The following BMPR1B variants were observed in gnomAD, a reference collection of about 807,000 sequenced individuals.
The protein encoded by BMPR1B is bone morphogenetic protein receptor type-1B.
BMPR1B carries 12 observed loss-of-function variants against 59.1 expected under a neutral mutation model. That is an observed-to-expected ratio of 0.20 (90% CI 0.13 to 0.33). The LOEUF (loss-of-function observed/expected upper bound fraction) is 0.33, where lower values mean the gene tolerates loss of function less well. BMPR1B is among the 10% of genes least tolerant of loss of function. BMPR1B has a pLI of 1.00. For synonymous variants in BMPR1B, 237 were observed against 207.3 expected (o/e 1.14, Z -1.23); for missense variants, 550 against 610.9 (o/e 0.90, Z 1.05).
At chr4:94,780,160 TC>T (rs1722535907) in intron 1 of BMPR1B, among the ~76,000 whole-genome samples, 1 of 152,312 alleles carries the variant, frequency 6.6e-6, no homozygotes. Flanking sequence ...TAGCTTTTTT[TC>T]ATGTCACTTT....
At position 94,761,308 on chromosome 4, in the gene BMPR1B, A is replaced by G. The variant is rs142579888; in HGVS notation, c.-183+3240A>G. On this transcript the variant is annotated intron_variant, in intron 1 of 12. Coordinates refer to ENST00000515059, the MANE Select transcript of BMPR1B (RefSeq NM_001203.3). ...GAACCTTGACTCCTAAATTATTTCT[A>G]TGTGGTAGGCATTGTTCTGGGTGAT... 5.5e-3 allele frequency among the ~76,000 whole-genome samples: 843 copies of G among 152,178 alleles called. 6 individuals carry two copies. The highest frequency in any genetic ancestry group is 0.019 in the African/African-American group (769 of 41,520).
chr4:94,762,969 C>T (rs1721837874), intron 1 of BMPR1B, among the ~76,000 whole-genome samples: 1 of 151,782 alleles, frequency 6.6e-6, no homozygotes, highest in Non-Finnish European at 1.5e-5. Flanking sequence ...TCAGCACCTT[C>T]TTAGAGTTCC....
chr4:95,148,667 A>G (rs1734816317), intron 10 of BMPR1B, 81 bp from the exon 11 acceptor site: 2 of 1,413,284 alleles, frequency 1.4e-6, no homozygotes, highest in East Asian at 4.6e-5. Flanking sequence ...CACTAACTAA[A>G]GCCATTGTTT....
chr4:95,107,124 A>T (rs1486581835), intron 4 of BMPR1B, among the ~76,000 whole-genome samples: 2 of 152,086 alleles, frequency 1.3e-5, no homozygotes, highest in Non-Finnish European at 2.9e-5. Flanking sequence ...GATTAATAAT[A>T]GAACAATCTA....
At chr4:94,900,914 T>A (rs1213438496) in intron 2 of BMPR1B, among the ~76,000 whole-genome samples, 1 of 151,960 alleles carries the variant, frequency 6.6e-6, no homozygotes, top group African/African-American at 2.4e-5. Context: ...CCAAATAAAG[T>A]TGCCCAAAAA....
intron 3 of BMPR1B, among the ~76,000 whole-genome samples, chr4:95,101,899 C>T (rs188957686): frequency 2.2e-3 from 329 of 152,214 alleles, no homozygotes; most frequent in Middle Eastern, 0.014. Flanking sequence ...TTAGTGTCTC[C>T]TCCCTTGATC....
At chr4:95,084,372 G>A (rs2149239994) in intron 3 of BMPR1B, among the ~76,000 whole-genome samples, 1 of 147,394 alleles carries the variant, frequency 6.8e-6, no homozygotes, top group East Asian at 2.0e-4. Flanking sequence ...TATGTGTATT[G>A]TGTATATATA....
intron 11 of BMPR1B, 134 bp from the exon 12 acceptor site, chr4:95,152,509 T>C (rs1385948172): frequency 1.4e-6 from 1 of 701,592 alleles, no homozygotes; most frequent in East Asian, 3.1e-5. Flanking sequence ...TTTTCAAGAT[T>C]TATTTTGCTA....
At chr4:94,904,025 A>G (rs1261452350) in intron 2 of BMPR1B, among the ~76,000 whole-genome samples, 1 of 152,022 alleles carries the variant, frequency 6.6e-6, no homozygotes, top group Admixed American at 6.6e-5. Context: ...TATTTTATAA[A>G]CCTACATTTT....
intron 3 of BMPR1B, among the ~76,000 whole-genome samples, chr4:94,997,222 T>G (rs1722120757): frequency 6.6e-6 from 1 of 152,168 alleles, no homozygotes; most frequent in Non-Finnish European, 1.5e-5. Context: ...TGATTATAGG[T>G]CCAAAGGGTT....
chr4:94,989,577 C>T (rs1374725335), intron 2 of BMPR1B, among the ~76,000 whole-genome samples: 1 of 152,040 alleles, frequency 6.6e-6, no homozygotes, highest in Non-Finnish European at 1.5e-5. Flanking sequence ...TTATCATAAT[C>T]ATGAACAGAG....
In BMPR1B at chr4:94,907,642, C is replaced by T. The variant is rs181922009; in HGVS notation, c.-113+31742C>T. ...TAGGTAGAGTTAGAGGCTAACTCCACGGCACCCTAGAGTCCATAGCATGTT... is the reference window on the plus strand; with the variant it reads ...TAGGTAGAGTTAGAGGCTAACTCCATGGCACCCTAGAGTCCATAGCATGTT... On this transcript the variant is annotated intron_variant, in intron 2 of 12. Coordinates refer to ENST00000515059, the MANE Select transcript of BMPR1B (RefSeq NM_001203.3). 2.0e-5 allele frequency among the ~76,000 whole-genome samples: 3 copies of T among 152,066 alleles called. No individual in the cohort carries two copies. In the East Asian group the frequency reaches 5.8e-4, roughly 30 times the overall value.
At chr4:94,911,501 T>A (rs551692629) in intron 2 of BMPR1B, among the ~76,000 whole-genome samples, 162 of 152,212 alleles carry the variant, frequency 1.1e-3, no homozygotes, top group African/African-American at 3.5e-3. Flanking sequence ...TTTCCCAGAG[T>A]TTGCAGTACA....
chr4:94,852,747 A>G (rs1416461295), intron 1 of BMPR1B, among the ~76,000 whole-genome samples: 2 of 152,146 alleles, frequency 1.3e-5, no homozygotes, highest in African/African-American at 4.8e-5. Context: ...ACTAGACTAT[A>G]TATAAAGTAA....
At chr4:94,762,178 T>C (rs536344089) in intron 1 of BMPR1B, among the ~76,000 whole-genome samples, 11 of 152,334 alleles carry the variant, frequency 7.2e-5, no homozygotes, top group African/African-American at 2.6e-4. Flanking sequence ...TTTACTTAAA[T>C]GTTTGAATGC....
At chr4:94,758,687 C>CTCTCTCTCCTGCT (rs1721632597) in intron 1 of BMPR1B, among the ~76,000 whole-genome samples, 1 of 152,046 alleles carries the variant, frequency 6.6e-6, no homozygotes. Flanking sequence ...GTCTCTTCTC[C>CTCTCTCTCCTGCT]TCTCTCTCCT....
At chr4:95,056,833 C>T (rs984696093) in intron 3 of BMPR1B, among the ~76,000 whole-genome samples, 2 of 152,196 alleles carry the variant, frequency 1.3e-5, no homozygotes, top group Non-Finnish European at 2.9e-5. Flanking sequence ...ACCTTTTTCT[C>T]ACTCAGGTAC....
intron 1 of BMPR1B, among the ~76,000 whole-genome samples, chr4:94,850,408 GCGTGAC>G (rs1553912419): frequency 1.3e-5 from 2 of 152,136 alleles, no homozygotes; most frequent in Non-Finnish European, 2.9e-5. Context: ...GTGGCAGGTA[GCGTGAC>G]TGCCTTATTT....
At chr4:95,040,877 C>T (rs1440153232) in intron 3 of BMPR1B, among the ~76,000 whole-genome samples, 1 of 152,132 alleles carries the variant, frequency 6.6e-6, no homozygotes, top group Admixed American at 6.5e-5. Flanking sequence ...GACTACATTA[C>T]GTGGCTCTGG....
Sources: gnomAD v4.1 joint callset for allele counts (sites outside exome capture counted in the v4.1 genomes callset) on GRCh38, gnomAD v4.1.1 for gene constraint, MANE v1.5 for transcripts, NCBI Gene and HGNC (gene_info 2026-07-23, HGNC 2026-07-21) for gene names.